The following DLGAP2 variants were observed in gnomAD, a reference collection of about 807,000 sequenced individuals.
DLGAP2 encodes DLG associated protein 2, also known as disks large-associated protein 2.
Under a neutral mutation model 100.3 loss-of-function variants are expected in DLGAP2, and 26 were observed. That is an observed-to-expected ratio of 0.26 (90% CI 0.19 to 0.36). The LOEUF is 0.36. Ranked by LOEUF, DLGAP2 falls within the 10% of genes least tolerant of loss-of-function variation. The pLI, the probability that DLGAP2 is intolerant of heterozygous loss-of-function variation, is 1.00. For missense variants in DLGAP2, 1,858 were observed against 1,453.2 expected, an observed-to-expected ratio of 1.28 and a Z score of -4.53; for synonymous variants, 886 against 630.1, an observed-to-expected ratio of 1.41 and a Z score of -6.08.
At chr8:1,392,163 C>G (rs1796375334) in intron 3 of DLGAP2, among the ~76,000 whole-genome samples, 1 of 152,206 alleles carries the variant, frequency 6.6e-6, no homozygotes, top group Admixed American at 6.5e-5. Context: ...GCCTAGAAAA[C>G]AAGACCCCTG....
intron 10 of DLGAP2, among the ~76,000 whole-genome samples, chr8:1,674,101 T>C (rs147822772): frequency 6.4e-4 from 97 of 152,324 alleles, no homozygotes; most frequent in African/African-American, 2.3e-3. Context: ...TTGCCCAGGA[T>C]GTAGTACAGT....
chr8:1,547,023 T>C (rs1342576685), intron 4 of DLGAP2, among the ~76,000 whole-genome samples: 1 of 151,762 alleles, frequency 6.6e-6, no homozygotes, highest in Non-Finnish European at 1.5e-5. Context: ...CAAGGCCGAG[T>C]GGTGTGGAGC....
At chr8:800,792 G>C (rs542287104) in intron 1 of DLGAP2, among the ~76,000 whole-genome samples, 1 of 152,244 alleles carries the variant, frequency 6.6e-6, no homozygotes, top group East Asian at 1.9e-4. Flanking sequence ...TCTGAGAGTG[G>C]GGTTGTGCAG....
At chr8:1,156,860 C>G (rs1170637335) in intron 2 of DLGAP2, among the ~76,000 whole-genome samples, 1 of 152,186 alleles carries the variant, frequency 6.6e-6, no homozygotes, top group South Asian at 2.1e-4. Context: ...TAGAAAGGTT[C>G]TGATTTCCAC....
intron 8 of DLGAP2, 113 bp downstream of exon 8, chr8:1,633,159 T>C: frequency 3.0e-6 from 3 of 999,026 alleles, no homozygotes; most frequent in Non-Finnish European, 3.0e-6. Flanking sequence ...TCTCCTGACA[T>C]CTAGTAACGT....
intron 2 of DLGAP2, among the ~76,000 whole-genome samples, chr8:1,121,568 A>T (rs200946500): frequency 3.1e-5 from 4 of 130,460 alleles, no homozygotes; most frequent in South Asian, 2.5e-4. Flanking sequence ...TCTTCTTCCC[A>T]TTAGAACCCA....
At chr8:861,883 C>A (rs536485759) in intron 1 of DLGAP2, among the ~76,000 whole-genome samples, 65 of 152,228 alleles carry the variant, frequency 4.3e-4, no homozygotes, top group African/African-American at 1.6e-3. Flanking sequence ...GTTGTTTTAT[C>A]CATTAGGTAA....
chr8:921,100 C>T (rs1327548566), intron 2 of DLGAP2, among the ~76,000 whole-genome samples: 1 of 152,224 alleles, frequency 6.6e-6, no homozygotes, highest in Admixed American at 6.5e-5. Context: ...GCCTTGTCTT[C>T]CTTCTTTAAC....
At chr8:1,486,415 G>A (rs554353007) in intron 3 of DLGAP2, among the ~76,000 whole-genome samples, 1 of 152,272 alleles carries the variant, frequency 6.6e-6, no homozygotes, top group South Asian at 2.1e-4. Flanking sequence ...GATCTGTGTT[G>A]TTTATAAAGG....
At chr8:1,071,494 G>C (rs191761262) in intron 2 of DLGAP2, among the ~76,000 whole-genome samples, 2 of 152,122 alleles carry the variant, frequency 1.3e-5, no homozygotes, top group African/African-American at 4.8e-5. Flanking sequence ...TTGCTCCTGG[G>C]CGTCCCGGTG....
intron 1 of DLGAP2, among the ~76,000 whole-genome samples, chr8:847,453 G>C (rs1797091777): frequency 6.6e-6 from 1 of 151,844 alleles, no homozygotes; most frequent in Non-Finnish European, 1.5e-5. Context: ...ACTCTGACCA[G>C]AATTTTAAAA....
At chr8:827,837 C>T (rs915885446) in intron 1 of DLGAP2, among the ~76,000 whole-genome samples, 3 of 152,178 alleles carry the variant, frequency 2.0e-5, no homozygotes, top group Non-Finnish European at 2.9e-5. Context: ...CCGATAATCA[C>T]GTAGGTTCTT....
At chr8:1,282,335 C>T (rs1442228793) in intron 3 of DLGAP2, among the ~76,000 whole-genome samples, 2 of 148,090 alleles carry the variant, frequency 1.4e-5, no homozygotes, top group Non-Finnish European at 3.0e-5. Context: ...GACCTGAACC[C>T]AGCGCCCTGA....
At chr8:1,237,364 G>C (rs1798684354) in intron 2 of DLGAP2, among the ~76,000 whole-genome samples, 1 of 85,482 alleles carries the variant, frequency 1.2e-5, no homozygotes, top group Non-Finnish European at 2.3e-5. Flanking sequence ...TCTCTCACAT[G>C]GCGCCGTGTC....
At chr8:1,191,150 A>G (rs1034646325) in intron 2 of DLGAP2, among the ~76,000 whole-genome samples, 2 of 151,594 alleles carry the variant, frequency 1.3e-5, no homozygotes, top group African/African-American at 4.9e-5. Flanking sequence ...CTTGTAACTA[A>G]GTGTTTCAAT....
Position 1,020,149 on chromosome 8 carries a change from C to A in DLGAP2, c.73+112183C>A, listed in dbSNP as rs1044265078. Among the ~76,000 whole-genome samples, 3 of 152,072 alleles carry A rather than the reference C, an allele frequency of 2.0e-5. No individual in the cohort carries two copies. The South Asian group carries it at 6.2e-4, about 32-fold the overall frequency. ...ATTATTCAAGTATCCATACAGTGGCCTGACTTTTATTGATTGCCTTACAAG... is the reference window on the plus strand; with the variant it reads ...ATTATTCAAGTATCCATACAGTGGCATGACTTTTATTGATTGCCTTACAAG... On this transcript the variant is annotated intron_variant, in intron 2 of 14. Transcript: ENST00000637795.
At chr8:1,665,684 C>A (rs1798526093) in intron 8 of DLGAP2, among the ~76,000 whole-genome samples, 1 of 152,270 alleles carries the variant, frequency 6.6e-6, no homozygotes, top group East Asian at 1.9e-4. Flanking sequence ...AGCTTTGCCA[C>A]TGGAGAGGTC....
intron 3 of DLGAP2, among the ~76,000 whole-genome samples, chr8:1,303,891 A>C (rs1430152135): frequency 6.6e-6 from 1 of 152,114 alleles, no homozygotes. Context: ...TGGGAGGTGG[A>C]GGGAGATGGG....
intron 1 of DLGAP2, among the ~76,000 whole-genome samples, chr8:844,930 A>G (rs1487824092): frequency 6.6e-6 from 1 of 152,226 alleles, no homozygotes; most frequent in Non-Finnish European, 1.5e-5. Flanking sequence ...GAATCATACA[A>G]TATATGGACT....
Sources: gnomAD v4.1 joint callset for allele counts (sites outside exome capture counted in the v4.1 genomes callset) on GRCh38, gnomAD v4.1.1 for gene constraint, MANE v1.5 for transcripts, NCBI Gene and HGNC (gene_info 2026-07-23, HGNC 2026-07-21) for gene names.